The following TEKT1 variants were observed in gnomAD, a reference collection of about 807,000 sequenced individuals.
The protein encoded by TEKT1 is tektin-1.
A neutral mutation model predicts 34.8 loss-of-function variants in TEKT1; 32 were observed. The observed-to-expected ratio is 0.92, with a 90% confidence interval of 0.69 to 1.23. The LOEUF (loss-of-function observed/expected upper bound fraction) is 1.23. Among genes scored for constraint, TEKT1 ranks in the 50% most tolerant of loss-of-function variants. The pLI, the probability that TEKT1 is intolerant of heterozygous loss-of-function variation, is 0.00. For synonymous variants in TEKT1, 207 were observed against 199.8 expected, an observed-to-expected ratio of 1.04 and a Z score of -0.30; for missense variants, 492 against 518.5, an observed-to-expected ratio of 0.95 and a Z score of 0.50.
intron 3 of TEKT1, among the ~76,000 whole-genome samples, chr17:6,818,844 G>A (rs1352006445): frequency 3.9e-5 from 6 of 152,296 alleles, no homozygotes; most frequent in Middle Eastern, 3.4e-3. Flanking sequence ...TAAAACTGTG[G>A]CCCACCATTC....
intron 4 of TEKT1, 74 bp from the exon 5 acceptor site, chr17:6,815,380 G>A (rs758054343): frequency 1.1e-4 from 182 of 1,584,226 alleles, no homozygotes; most frequent in Non-Finnish European, 1.5e-4. Context: ...GAGAGGTCCT[G>A]GAAAGTGAAG....
chr17:6,816,157 T>C (rs1429646135), intron 3 of TEKT1, among the ~76,000 whole-genome samples, 195 bp from the exon 4 acceptor site: 2 of 152,128 alleles, frequency 1.3e-5, no homozygotes, highest in Non-Finnish European at 2.9e-5. Context: ...TGAAGAAAAA[T>C]TGATTGATGA....
chr17:6,809,659 C>T (rs916413983), intron 6 of TEKT1, among the ~76,000 whole-genome samples: 3 of 152,192 alleles, frequency 2.0e-5, no homozygotes, highest in Non-Finnish European at 4.4e-5. Context: ...CTTCCACCCA[C>T]CCAAACCCCT....
intron 2 of TEKT1, among the ~76,000 whole-genome samples, chr17:6,827,782 T>C (rs1001199324): frequency 2.6e-5 from 4 of 152,130 alleles, no homozygotes; most frequent in Non-Finnish European, 5.9e-5. Context: ...AAAATGATTT[T>C]TCAGTGCAAA....
At chr17:6,822,795 G>C (rs1597793240) in intron 2 of TEKT1, among the ~76,000 whole-genome samples, 1 of 152,022 alleles carries the variant, frequency 6.6e-6, no homozygotes, top group Non-Finnish European at 1.5e-5. Flanking sequence ...CCATGTTATT[G>C]GCTTTCCTCA....
intron 2 of TEKT1, among the ~76,000 whole-genome samples, chr17:6,829,513 T>C (rs1165590992): frequency 1.5e-5 from 2 of 132,660 alleles, no homozygotes; most frequent in Non-Finnish European, 1.6e-5. Flanking sequence ...TTCTTTTTCT[T>C]TCTTTTTTTT....
At chr17:6,808,997 A>G (rs1976888176) in intron 6 of TEKT1, among the ~76,000 whole-genome samples, 1 of 152,172 alleles carries the variant, frequency 6.6e-6, no homozygotes, top group African/African-American at 2.4e-5. Flanking sequence ...TTAAGTAATA[A>G]TCTTCAATTT....
chr17:6,808,582 G>A (rs968885766), intron 6 of TEKT1, among the ~76,000 whole-genome samples: 1 of 152,120 alleles, frequency 6.6e-6, no homozygotes, highest in Non-Finnish European at 1.5e-5. Context: ...GTAGGCTGGA[G>A]CTGTTCCTAT....
intron 6 of TEKT1, among the ~76,000 whole-genome samples, chr17:6,804,418 T>G (rs1482500559): frequency 6.6e-6 from 1 of 151,878 alleles, no homozygotes; most frequent in Non-Finnish European, 1.5e-5. Flanking sequence ...AGGGACAATT[T>G]GACTTCCTCT....
At chr17:6,808,396 C>G (rs1423042718) in intron 6 of TEKT1, among the ~76,000 whole-genome samples, 3 of 152,116 alleles carry the variant, frequency 2.0e-5, no homozygotes, top group African/African-American at 7.2e-5. Context: ...AAGGGAATTC[C>G]CTGACCCCTT....
At chr17:6,806,436 G>A (rs1326199008) in intron 6 of TEKT1, among the ~76,000 whole-genome samples, 1 of 152,172 alleles carries the variant, frequency 6.6e-6, no homozygotes, top group Non-Finnish European at 1.5e-5. Context: ...GCCAGTCTGA[G>A]TCTTTTAATT....
Position 6,798,300 on chromosome 17 carries a change from T to C in TEKT1, c.*1727A>G, listed in dbSNP as rs941917576. 6.6e-6 allele frequency: 1 copy of C among 152,258 alleles called. No individual in the cohort carries two copies. Among genetic ancestry groups the C allele is most frequent in the Non-Finnish European group, 1.5e-5 (1 of 68,076 alleles). The allele number at this position is 152,258 out of a possible 1,614,324, so 9.4% of individuals were successfully genotyped here. A position where few individuals can be genotyped will look rare whatever the true frequency, so the allele number is the denominator to read the frequency against. ...CTCCCTGCAGAGCCTGGGATCTGAA[T>C]CCACCACTGAGGCTGGCTGCCTCTG... On this transcript the variant is annotated 3_prime_UTR_variant, in exon 8 of 8. Transcript: ENST00000338694.
chr17:6,825,397 T>C (rs1904366119), intron 2 of TEKT1, among the ~76,000 whole-genome samples: 1 of 152,246 alleles, frequency 6.6e-6, no homozygotes, highest in African/African-American at 2.4e-5. Context: ...GACTCATCTC[T>C]ACTTTCAGAC....
rs779644849 is a variant in TEKT1, at chr17:6,815,441, C to G, written c.486-135G>C. On this transcript the variant is annotated intron_variant, in intron 4 of 7. Transcript: ENST00000338694. ...ATGGTACTGCCCCCCACCCATCACCCCAACACTCATGCGTATACCATTTGA... is the reference window on the plus strand; with the variant it reads ...ATGGTACTGCCCCCCACCCATCACCGCAACACTCATGCGTATACCATTTGA... 3.0e-4 allele frequency: 314 copies of G among 1,040,638 alleles called. 1 individual carries two copies. The highest frequency in any genetic ancestry group is 3.5e-5 in the Non-Finnish European group (24 of 678,192). 64.5% of individuals were successfully genotyped at this position (1,040,638 alleles called of 1,614,324 possible).
At position 6,808,625 on chromosome 17, in the gene TEKT1, A is replaced by G. The variant is rs548224929; in HGVS notation, c.852+4206T>C. ...TCTTGGCTCCACCCCTATTTAAATT[A>G]TCTTAACAAATAAGACCTTCTGGAG... On this transcript the variant is annotated intron_variant, in intron 6 of 7. Transcript: ENST00000338694. Among the ~76,000 whole-genome samples the G allele has an allele frequency of 1.6e-4, 25 of 152,238 alleles. No homozygotes were observed. In the South Asian group the frequency reaches 4.3e-3, roughly 26 times the overall value.
intron 3 of TEKT1, among the ~76,000 whole-genome samples, chr17:6,816,372 C>A (rs576123397): frequency 5.3e-5 from 8 of 152,216 alleles, no homozygotes; most frequent in African/African-American, 1.9e-4. Flanking sequence ...CTAATGCTAT[C>A]CCTCCCCCAG....
intron 4 of TEKT1, among the ~76,000 whole-genome samples, chr17:6,815,545 T>C (rs1976993693): frequency 6.6e-6 from 1 of 152,210 alleles, no homozygotes; most frequent in African/African-American, 2.4e-5. Context: ...AGTGTCACCA[T>C]TGCAGCCTAC....
At position 6,828,804 on chromosome 17, in the gene TEKT1, C is replaced by CT. The variant is rs1162927903; in HGVS notation, c.190+1382dup. Among the ~76,000 whole-genome samples, 15 of 151,740 alleles carry CT rather than the reference C, an allele frequency of 9.9e-5. No homozygotes were observed. In the South Asian group the frequency reaches 1.7e-3, roughly 17 times the overall value. ...TGTTTTGATTATTTAAGGATACTATCTTTTTTTTTAAATGTGCTTTCCTGA... is the reference window on the plus strand; with the variant it reads ...TGTTTTGATTATTTAAGGATACTATCTTTTTTTTTTAAATGTGCTTTCCTGA... On this transcript the variant is annotated intron_variant, in intron 2 of 7. Coordinates refer to ENST00000338694, the MANE Select transcript of TEKT1 (RefSeq NM_053285.2).
chr17:6,823,310 T>G (rs1777808695), intron 2 of TEKT1, among the ~76,000 whole-genome samples: 1 of 152,210 alleles, frequency 6.6e-6, no homozygotes, highest in African/African-American at 2.4e-5. Flanking sequence ...AGCTGGCTTC[T>G]TATTGTTCTC....
Sources: gnomAD v4.1 joint callset for allele counts (sites outside exome capture counted in the v4.1 genomes callset) on GRCh38, gnomAD v4.1.1 for gene constraint, MANE v1.5 for transcripts, NCBI Gene and HGNC (gene_info 2026-07-23, HGNC 2026-07-21) for gene names.